Variants in CTCF observed in about 807,000 individuals in gnomAD.
CTCF encodes transcriptional repressor CTCF.
CTCF carries 7 observed loss-of-function variants against 72.3 expected under a neutral mutation model. The observed-to-expected ratio is 0.10, with a 90% CI of 0.06 to 0.18. CTCF has a LOEUF of 0.18. CTCF is among the 10% of genes least tolerant of loss of function. The pLI, the probability that CTCF is intolerant of heterozygous loss-of-function variation, is 1.00. For synonymous variants in CTCF, 374 were observed against 315.8 expected (o/e 1.18, Z -1.95); for missense variants, 516 against 949.1 (o/e 0.54, Z 6.00).
intron 7 of CTCF, among the ~76,000 whole-genome samples, 157 bp downstream of exon 7, chr16:67,621,748 CTT>C (rs34853932): frequency 2.5e-5 from 3 of 121,354 alleles, no homozygotes; most frequent in African/African-American, 6.6e-5. Flanking sequence ...TGCTTAGCTG[CTT>C]TTTTTTTTTT....
intron 1 of CTCF, among the ~76,000 whole-genome samples, chr16:67,567,606 G>A (rs573725444): frequency 4.0e-5 from 6 of 151,766 alleles, no homozygotes; most frequent in African/African-American, 1.5e-4. Context: ...TTTTGATTGA[G>A]GCAGTGGCAT....
chr16:67,598,670 T>TAGAG lies in CTCF; in HGVS notation c.-9-12153_-9-12152insGAGA, dbSNP rs371451412. On this transcript the variant is annotated intron_variant, in intron 2 of 11. Coordinates refer to ENST00000264010, the MANE Select transcript of CTCF (RefSeq NM_006565.4). ...AACTCCCAGTGCAATTTCTCCCACA[T>TAGAG]ATCTTTTAGTGTAAGCTAAGGCATG... is the stretch of plus-strand genomic sequence containing the variant. 2.6e-5 allele frequency among the ~76,000 whole-genome samples: 4 copies of TAGAG among 152,352 alleles called. No individual in the cohort carries two copies. The East Asian group carries it at 7.7e-4, about 29-fold the overall frequency.
chr16:67,598,312 C>G (rs548125072), intron 2 of CTCF, among the ~76,000 whole-genome samples: 2 of 152,230 alleles, frequency 1.3e-5, no homozygotes, highest in South Asian at 2.1e-4. Flanking sequence ...ATAGACCCTG[C>G]ACATTTTCAG....
At chr16:67,629,330 G>GT in intron 9 of CTCF, 68 bp from the exon 10 acceptor site, 1 of 1,455,202 alleles carries the variant, frequency 6.9e-7, no homozygotes, top group Admixed American at 2.1e-5. Flanking sequence ...TTTTATTAAA[G>GT]TAAATAACTT....
At chr16:67,574,094 G>A (rs1157315276) in intron 2 of CTCF, among the ~76,000 whole-genome samples, 1 of 151,778 alleles carries the variant, frequency 6.6e-6, no homozygotes, top group Non-Finnish European at 1.5e-5. Flanking sequence ...ACCAAACAGT[G>A]TATGCCAACT....
At chr16:67,629,347 T>C in intron 9 of CTCF, 51 bp from the exon 10 acceptor site, 3 of 1,539,122 alleles carry the variant, frequency 1.9e-6, no homozygotes, top group Non-Finnish European at 2.6e-6. Flanking sequence ...ACTTCCAATC[T>C]GATCTTAGCT....
chr16:67,631,066 G>A (rs2142873350), intron 10 of CTCF, among the ~76,000 whole-genome samples: 1 of 152,054 alleles, frequency 6.6e-6, no homozygotes, highest in Admixed American at 6.6e-5. Flanking sequence ...GTTGTCAGTA[G>A]AAATAGTGGG....
chr16:67,600,527 G>T (rs1483017831), intron 2 of CTCF, among the ~76,000 whole-genome samples: 1 of 152,146 alleles, frequency 6.6e-6, no homozygotes, highest in Non-Finnish European at 1.5e-5. Context: ...ACCATGCCTA[G>T]CCTGGCTAAT....
chr16:67,576,208 A>G (rs908265973), intron 2 of CTCF, among the ~76,000 whole-genome samples: 15 of 151,824 alleles, frequency 9.9e-5, no homozygotes, highest in African/African-American at 3.6e-4. Context: ...AGGTTTTTTA[A>G]TAGCATAATA....
At chr16:67,626,317 G>A (rs984853769) in intron 7 of CTCF, among the ~76,000 whole-genome samples, 2 of 151,898 alleles carry the variant, frequency 1.3e-5, no homozygotes, top group Admixed American at 1.3e-4. Context: ...GCCGGGCATG[G>A]TGGCGGGCGC....
At chr16:67,574,451 C>A (rs1174769302) in intron 2 of CTCF, among the ~76,000 whole-genome samples, 2 of 151,912 alleles carry the variant, frequency 1.3e-5, no homozygotes, top group African/African-American at 4.8e-5. Context: ...AAGCAGTTCT[C>A]CTGCCTCAGT....
intron 1 of CTCF, among the ~76,000 whole-genome samples, chr16:67,566,811 C>T (rs2051348881): frequency 6.6e-6 from 1 of 152,076 alleles, no homozygotes; most frequent in African/African-American, 2.4e-5. Flanking sequence ...GATCTCCTGA[C>T]CTGCCCGCCT....
intron 7 of CTCF, among the ~76,000 whole-genome samples, chr16:67,624,071 ATGTGTGTG>A (rs58387336): frequency 0.01 from 1,177 of 117,578 alleles, 15 homozygotes; most frequent in African/African-American, 0.013. Flanking sequence ...AAAATTATAT[ATGTGTGTG>A]TGTGTGTGTG....
intron 2 of CTCF, among the ~76,000 whole-genome samples, chr16:67,604,775 A>G (rs1470890597): frequency 9.4e-6 from 1 of 106,168 alleles, no homozygotes; most frequent in Admixed American, 8.8e-5. Flanking sequence ...ACTTTTTAAT[A>G]TGAATTTTTT....
chr16:67,629,746 C>CTTTTTT, intron 10 of CTCF, among the ~76,000 whole-genome samples: 1 of 63,364 alleles, frequency 1.6e-5, no homozygotes, highest in South Asian at 5.8e-4. Context: ...CATTAATGCC[C>CTTTTTT]TTTTTTTTTT....
intron 4 of CTCF, chr16:67,614,605 T>C (rs928222710): frequency 6.6e-6 from 1 of 152,122 alleles, no homozygotes; most frequent in Non-Finnish European, 1.5e-5. Flanking sequence ...TTTGGCACTT[T>C]GGGAGGCTGA....
intron 2 of CTCF, 176 bp from the exon 3 acceptor site, chr16:67,610,648 C>A: frequency 2.8e-6 from 1 of 354,792 alleles, no homozygotes. Flanking sequence ...GCCACTGCAC[C>A]TGGCCAGTAG....
chr16:67,590,412 CTTT>C (rs959410512), intron 2 of CTCF, among the ~76,000 whole-genome samples: 1 of 151,030 alleles, frequency 6.6e-6, no homozygotes, highest in Non-Finnish European at 1.5e-5. Context: ...ATGCTCTTAA[CTTT>C]TTTTTTAACT....
At chr16:67,604,348 G>A (rs917464992) in intron 2 of CTCF, among the ~76,000 whole-genome samples, 1 of 151,892 alleles carries the variant, frequency 6.6e-6, no homozygotes, top group South Asian at 2.1e-4. Context: ...TTTTTGTTTT[G>A]TTTGTTTGTT....
Sources: gnomAD v4.1 joint callset for allele counts (sites outside exome capture counted in the v4.1 genomes callset) on GRCh38, gnomAD v4.1.1 for gene constraint, MANE v1.5 for transcripts, NCBI Gene and HGNC (gene_info 2026-07-23, HGNC 2026-07-21) for gene names.